Variants in TPST2 observed in about 807,000 individuals in gnomAD.
The protein encoded by TPST2 is protein-tyrosine sulfotransferase 2.
In TPST2, 16 loss-of-function variants were observed where a neutral mutation model predicts 27.8. That is an observed-to-expected ratio of 0.58 (90% CI 0.39 to 0.88). The LOEUF is 0.88. TPST2 is among the 40% of genes least tolerant of loss of function. The pLI, the probability that TPST2 is intolerant of heterozygous loss-of-function variation, is 0.00. For missense variants in TPST2, 464 were observed against 543.1 expected (o/e 0.85, Z 1.45); for synonymous variants, 229 against 231.7 (o/e 0.99, Z 0.10).
intron 1 of TPST2, among the ~76,000 whole-genome samples, chr22:26,587,080 C>T (rs775095374): frequency 3.9e-5 from 6 of 152,110 alleles, no homozygotes; most frequent in African/African-American, 1.4e-4. Flanking sequence ...TTCAGAGTAG[C>T]GTGGGGGGTT....
intron 3 of TPST2, among the ~76,000 whole-genome samples, chr22:26,540,464 T>C (rs1194716708): frequency 6.6e-6 from 1 of 152,040 alleles, no homozygotes; most frequent in Non-Finnish European, 1.5e-5. Context: ...CCCAGCTTGG[T>C]GGCGCATGCC....
chr22:26,526,858 A>C (rs1924870434), intron 6 of TPST2, among the ~76,000 whole-genome samples: 1 of 152,122 alleles, frequency 6.6e-6, no homozygotes, highest in African/African-American at 2.4e-5. Flanking sequence ...TGGGCAGATC[A>C]CTTGAGGCCA....
intron 5 of TPST2, among the ~76,000 whole-genome samples, chr22:26,531,612 T>C (rs370185378): frequency 1.7e-4 from 26 of 152,232 alleles, no homozygotes; most frequent in Admixed American, 5.9e-4. Flanking sequence ...TATTGGCTTA[T>C]GGGTGCTTTC....
At chr22:26,546,300 C>A (rs1047416185) in intron 1 of TPST2, among the ~76,000 whole-genome samples, 1 of 152,168 alleles carries the variant, frequency 6.6e-6, no homozygotes, top group African/African-American at 2.4e-5. Flanking sequence ...CAACTAGACC[C>A]CCCCACAGCA....
rs559170967 is a variant in TPST2, at chr22:26,555,354, G to A, written c.-160-10679C>T. The A allele has an allele frequency of 1.6e-4, 73 of 470,864 alleles. 1 individual carries two copies. The highest frequency in any genetic ancestry group is 9.9e-4 in the African/African-American group (50 of 50,598). 29.2% of individuals were successfully genotyped at this position (470,864 alleles called of 1,614,324 possible). A position where few individuals can be genotyped will look rare whatever the true frequency, so the allele number is the denominator to read the frequency against. On this transcript the variant is annotated intron_variant, in intron 1 of 6. Coordinates refer to ENST00000338754, the MANE Select transcript of TPST2 (RefSeq NM_003595.5). ...GGCCAGGCTCAGGAATGCAATCATC[G>A]TGGAGTGCAGGGGTCAGGAGTGTAG...
In TPST2 at chr22:26,541,485, T is replaced by C. The variant is rs747017773; in HGVS notation, c.146A>G (p.Gln49Arg). Residue 49 changes from glutamine to arginine, a missense_variant, in exon 3 of 7, where the codon CAG (glutamine) becomes CGG (arginine). Gln to Arg is a conservative substitution (Grantham distance 43). Coordinates refer to ENST00000338754, the MANE Select transcript of TPST2 (RefSeq NM_003595.5). The surrounding 1 kb of genome is among the most constrained non-coding windows in gnomAD (Gnocchi z 5.9). ...RSPRGAMRPE[Q>R]EELVMVGTNH... is the part of the protein sequence containing the mutation. ...GGTGCCCACCATCACCAGCTCCTCC[T>C]GCTCAGGCCGCATGGCCCCCCGGGG... 1.9e-6 allele frequency: 3 copies of C among 1,611,712 alleles called. No homozygotes were observed. Among genetic ancestry groups the C allele is most frequent in the Non-Finnish European group, 2.5e-6 (3 of 1,178,818 alleles).
chr22:26,573,181 ACAC>A (rs1275276317), intron 1 of TPST2, among the ~76,000 whole-genome samples: 2 of 152,312 alleles, frequency 1.3e-5, no homozygotes, highest in African/African-American at 4.8e-5. Flanking sequence ...CCACAGGTAC[ACAC>A]CACCACACCT....
chr22:26,554,092 G>A (rs73163206), intron 1 of TPST2, among the ~76,000 whole-genome samples: 33,183 of 152,094 alleles, frequency 0.22, 4,396 homozygotes, highest in Non-Finnish European at 0.3. Context: ...CTGAGGCTTA[G>A]AGAGGTGAAG....
Position 26,522,998 on chromosome 22 carries a change from T to G in TPST2, c.*3277A>C, listed in dbSNP as rs1440275408. On this transcript the variant is annotated 3_prime_UTR_variant, in exon 7 of 7. Transcript: ENST00000338754. ...ACTGCTTGAGCCCAGGAGTTAGAGG[T>G]TGCAGTGAGCTGTGTTTGCAGGAGT... 3.3e-5 allele frequency: 5 copies of G among 152,006 alleles called. No individual in the cohort carries two copies. In the East Asian group the frequency reaches 9.7e-4, roughly 29 times the overall value. 9.4% of individuals were successfully genotyped at this position (152,006 alleles called of 1,614,324 possible).
At chr22:26,567,540 G>A (rs1927428218) in intron 1 of TPST2, among the ~76,000 whole-genome samples, 4 of 152,196 alleles carry the variant, frequency 2.6e-5, no homozygotes, top group Admixed American at 6.5e-5. Flanking sequence ...GATTTAGAGA[G>A]GGAAACTGAG....
At chr22:26,547,302 G>C (rs1926179429) in intron 1 of TPST2, among the ~76,000 whole-genome samples, 1 of 152,032 alleles carries the variant, frequency 6.6e-6, no homozygotes, top group Non-Finnish European at 1.5e-5. Context: ...GTCCCGCTAT[G>C]TTGCCCAGGC....
chr22:26,582,414 CG>C (rs764135128), intron 1 of TPST2, among the ~76,000 whole-genome samples: 3 of 152,022 alleles, frequency 2.0e-5, no homozygotes, highest in Admixed American at 2.0e-4. Flanking sequence ...GCAACAAGAT[CG>C]AAACTCCATC....
chr22:26,578,044 C>A (rs1422325927), intron 1 of TPST2, among the ~76,000 whole-genome samples: 1 of 152,090 alleles, frequency 6.6e-6, no homozygotes, highest in Non-Finnish European at 1.5e-5. Flanking sequence ...GAGTAAACAT[C>A]AAAATGTATT....
At chr22:26,531,305 A>G (rs1224130010) in intron 5 of TPST2, among the ~76,000 whole-genome samples, 2 of 152,224 alleles carry the variant, frequency 1.3e-5, no homozygotes, top group Admixed American at 6.5e-5. Context: ...ATGGTAGCAC[A>G]TGCATTCCAC....
At chr22:26,556,510 A>G (rs781238032) in intron 1 of TPST2, among the ~76,000 whole-genome samples, 1 of 152,224 alleles carries the variant, frequency 6.6e-6, no homozygotes, top group Non-Finnish European at 1.5e-5. Flanking sequence ...ATTGCACCCT[A>G]GCCTGGGCGA....
chr22:26,567,651 A>G (rs920816986), intron 1 of TPST2, among the ~76,000 whole-genome samples: 3 of 152,242 alleles, frequency 2.0e-5, no homozygotes, highest in African/African-American at 7.2e-5. Flanking sequence ...ATGAAAAAAG[A>G]TATTTATAAT....
chr22:26,545,522 A>C (rs2085070232), intron 1 of TPST2, among the ~76,000 whole-genome samples: 1 of 152,154 alleles, frequency 6.6e-6, no homozygotes, highest in Admixed American at 6.5e-5. Context: ...GGTAGGGAAG[A>C]TTTTTAGTCC....
At chr22:26,558,687 C>A (rs1926928575) in intron 1 of TPST2, among the ~76,000 whole-genome samples, 2 of 152,110 alleles carry the variant, frequency 1.3e-5, no homozygotes, top group African/African-American at 4.8e-5. Flanking sequence ...AGACCCTGGC[C>A]ACCCTAGGGA....
At chr22:26,582,703 C>CA (rs1335917212) in intron 1 of TPST2, among the ~76,000 whole-genome samples, 1 of 152,186 alleles carries the variant, frequency 6.6e-6, no homozygotes, top group Non-Finnish European at 1.5e-5. Flanking sequence ...AGACGTCACT[C>CA]AGTGGCTATC....
Sources: allele counts gnomAD v4.1 joint callset (sites outside exome capture counted in the v4.1 genomes callset), GRCh38; gene constraint gnomAD v4.1.1; non-coding constraint Gnocchi (gnomAD v3.1); transcripts MANE v1.5; gene names NCBI Gene and HGNC (gene_info 2026-07-23, HGNC 2026-07-21).